Variants in CTNND2 observed in about 807,000 individuals in gnomAD.
The protein encoded by CTNND2 is catenin delta 2, also known as catenin delta-2.
Under a neutral mutation model 144.4 loss-of-function variants are expected in CTNND2, and 22 were observed. That is an observed-to-expected ratio of 0.15 (90% CI 0.11 to 0.22). CTNND2 has a LOEUF of 0.22. Among genes scored for constraint, CTNND2 ranks in the 10% least tolerant of loss-of-function variants. The pLI is 1.00. For missense variants in CTNND2, 1,353 were observed against 1,618.8 expected, an observed-to-expected ratio of 0.84 and a Z score of 2.82; for synonymous variants, 751 against 695.6, an observed-to-expected ratio of 1.08 and a Z score of -1.25.
At chr5:11,499,546 T>C (rs1183439011) in intron 3 of CTNND2, among the ~76,000 whole-genome samples, 1 of 152,258 alleles carries the variant, frequency 6.6e-6, no homozygotes, top group Non-Finnish European at 1.5e-5. Context: ...CCTTCGTTTT[T>C]GGCTGAAGTA....
intron 3 of CTNND2, among the ~76,000 whole-genome samples, chr5:11,529,416 C>A (rs1442160136): frequency 2.0e-5 from 3 of 152,174 alleles, no homozygotes; most frequent in East Asian, 1.9e-4. Context: ...AAACAAAATT[C>A]TTCCATAGTT....
chr5:11,013,483 T>C (rs965795608), intron 18 of CTNND2, among the ~76,000 whole-genome samples: 16 of 152,156 alleles, frequency 1.1e-4, no homozygotes, highest in African/African-American at 3.9e-4. Flanking sequence ...CCCCTACACA[T>C]TTTAGACCTA....
At chr5:11,650,359 C>T (rs529845509) in intron 2 of CTNND2, among the ~76,000 whole-genome samples, 32 of 152,310 alleles carry the variant, frequency 2.1e-4, no homozygotes, top group Admixed American at 3.9e-4. Context: ...GTCCTTTAAA[C>T]TTCTTTTCTT....
intron 3 of CTNND2, among the ~76,000 whole-genome samples, chr5:11,515,835 A>G (rs1003731785): frequency 1.3e-5 from 2 of 152,168 alleles, no homozygotes; most frequent in African/African-American, 4.8e-5. Flanking sequence ...AGTTCAATTC[A>G]GTTAAAAAAT....
chr5:11,887,403 C>G (rs1204122521), intron 1 of CTNND2, among the ~76,000 whole-genome samples: 1 of 151,560 alleles, frequency 6.6e-6, no homozygotes, highest in African/African-American at 2.4e-5. Flanking sequence ...AATTAGAAAT[C>G]AATTTGAATA....
At chr5:11,119,403 TC>T (rs1753860686) in intron 12 of CTNND2, among the ~76,000 whole-genome samples, 2 of 152,188 alleles carry the variant, frequency 1.3e-5, no homozygotes, top group African/African-American at 4.8e-5. Flanking sequence ...TTTCTCAGCT[TC>T]CTAGATAATA....
intron 2 of CTNND2, among the ~76,000 whole-genome samples, chr5:11,606,644 C>T (rs762822958): frequency 1.8e-4 from 27 of 152,268 alleles, no homozygotes; most frequent in Non-Finnish European, 3.4e-4. Flanking sequence ...AAGTTTGCAA[C>T]TGAATGAAGA....
At chr5:11,840,949 T>C (rs747523646) in intron 1 of CTNND2, among the ~76,000 whole-genome samples, 87 of 152,216 alleles carry the variant, frequency 5.7e-4, no homozygotes, top group Non-Finnish European at 9.1e-4. Context: ...AATATTTTTA[T>C]GTTGATAAAA....
chr5:11,700,614 G>A (rs1785389250), intron 2 of CTNND2, among the ~76,000 whole-genome samples: 2 of 152,104 alleles, frequency 1.3e-5, no homozygotes, highest in Admixed American at 6.5e-5. Context: ...TGCATTCTCT[G>A]TCATCCTCTT....
intron 1 of CTNND2, among the ~76,000 whole-genome samples, chr5:11,790,950 T>C (rs1017912606): frequency 3.9e-5 from 6 of 152,046 alleles, no homozygotes; most frequent in African/African-American, 1.2e-4. Flanking sequence ...CATAACTGGT[T>C]CAAATGAGGT....
At chr5:11,031,436 T>C (rs772834119) in intron 16 of CTNND2, among the ~76,000 whole-genome samples, 9 of 152,198 alleles carry the variant, frequency 5.9e-5, no homozygotes, top group Non-Finnish European at 1.0e-4. Flanking sequence ...TAAGCTGAGA[T>C]TGACCAAATA....
chr5:11,081,603 T>C (rs1022654703), intron 16 of CTNND2, among the ~76,000 whole-genome samples: 6 of 152,226 alleles, frequency 3.9e-5, no homozygotes, highest in African/African-American at 1.4e-4. Context: ...GATTTTGGAC[T>C]TCTGGATTAG....
intron 2 of CTNND2, among the ~76,000 whole-genome samples, chr5:11,578,669 G>GAATGAATAAATAAATA (rs372696767): frequency 5.5e-5 from 8 of 146,006 alleles, no homozygotes; most frequent in African/African-American, 1.8e-4. Context: ...ACAAATACAT[G>GAATGAATAAATAAATA]AATAAATAAA....
At chr5:11,743,250 T>C (rs538450213) in intron 1 of CTNND2, among the ~76,000 whole-genome samples, 8 of 152,318 alleles carry the variant, frequency 5.3e-5, no homozygotes, top group African/African-American at 1.7e-4. Context: ...TAATTGCTTA[T>C]GAGAGCATGT....
chr5:11,082,080 C>T (rs1006099223), intron 16 of CTNND2, among the ~76,000 whole-genome samples: 3 of 152,236 alleles, frequency 2.0e-5, no homozygotes, highest in Non-Finnish European at 4.4e-5. Flanking sequence ...TCTTGAACAT[C>T]TCCTTCTCTT....
Position 11,276,586 on chromosome 5 carries a change from T to C in CTNND2, c.1629-39763A>G, listed in dbSNP as rs576094932. On this transcript the variant is annotated intron_variant, in intron 9 of 21. Coordinates refer to ENST00000304623, the MANE Select transcript of CTNND2 (RefSeq NM_001332.4). ...TTTAACTAGACTAGGGTATAGTGCA[T>C]AGTGGGTTGCAAAGTGGCCCCCAAA... Among the ~76,000 whole-genome samples, 9 of 152,292 alleles carry C rather than the reference T, an allele frequency of 5.9e-5. No individual in the cohort carries two copies. The East Asian group carries it at 1.5e-3, about 26-fold the overall frequency.
At chr5:11,106,052 CA>C (rs1214698980) in intron 14 of CTNND2, among the ~76,000 whole-genome samples, 1 of 152,076 alleles carries the variant, frequency 6.6e-6, no homozygotes, top group Non-Finnish European at 1.5e-5. Flanking sequence ...TAGGAGCATC[CA>C]AATGTCATGA....
rs61757066 is a variant in CTNND2 at position 11,082,277 on chromosome 5, G to C, written c.2788+419C>G. ...TTTCTTGAATACCAAATTAAAGAGA[G>C]ATAATTTCTTAAAAGAATAGGATTA... On this transcript the variant is annotated intron_variant, in intron 16 of 21. Coordinates refer to ENST00000304623, the MANE Select transcript of CTNND2 (RefSeq NM_001332.4). Among the ~76,000 whole-genome samples the C allele has an allele frequency of 5.0e-3, 756 of 152,316 alleles. 9 individuals carry two copies. The highest frequency in any genetic ancestry group is 0.017 in the African/African-American group (714 of 41,566).
At chr5:11,720,999 C>T (rs952640628) in intron 2 of CTNND2, among the ~76,000 whole-genome samples, 2 of 152,156 alleles carry the variant, frequency 1.3e-5, no homozygotes, top group African/African-American at 2.4e-5. Flanking sequence ...CATATGTCCA[C>T]ACAAACTTGT....
Sources: allele counts gnomAD v4.1 joint callset (sites outside exome capture counted in the v4.1 genomes callset), GRCh38; gene constraint gnomAD v4.1.1; transcripts MANE v1.5; gene names NCBI Gene and HGNC (gene_info 2026-07-23, HGNC 2026-07-21).